UBE2E2: variants seen among roughly 807,000 people sequenced by gnomAD.
The protein encoded by UBE2E2 is ubiquitin conjugating enzyme E2 E2.
In UBE2E2, 6 loss-of-function variants were observed where a neutral mutation model predicts 24.7. The ratio of observed to expected loss-of-function variants is 0.24; its 90% CI spans 0.13 to 0.48. UBE2E2 has a LOEUF of 0.48. Among genes scored for constraint, UBE2E2 ranks in the 20% least tolerant of loss-of-function variants. The pLI, the probability that UBE2E2 is intolerant of heterozygous loss-of-function variation, is 0.99. For synonymous variants in UBE2E2, 104 were observed against 83.6 expected, an observed-to-expected ratio of 1.24 and a Z score of -1.33; for missense variants, 169 against 245.0, an observed-to-expected ratio of 0.69 and a Z score of 2.07.
At chr3:23,587,957 G>T (rs542579916) in intron 5 of UBE2E2, among the ~76,000 whole-genome samples, 11 of 152,206 alleles carry the variant, frequency 7.2e-5, no homozygotes, top group Non-Finnish European at 1.3e-4. Context: ...TAATTATTAC[G>T]AGATTTACAC....
At chr3:23,566,309 A>G (rs1301952251) in intron 5 of UBE2E2, among the ~76,000 whole-genome samples, 1 of 152,210 alleles carries the variant, frequency 6.6e-6, no homozygotes, top group African/African-American at 2.4e-5. Context: ...ATGCATAGCA[A>G]GCCTTGCCAG....
intron 3 of UBE2E2, among the ~76,000 whole-genome samples, chr3:23,348,666 G>C (rs1161481386): frequency 6.6e-6 from 1 of 152,144 alleles, no homozygotes; most frequent in Admixed American, 6.5e-5. Flanking sequence ...TTCAGAGTGG[G>C]TGAGGCTAGG....
At chr3:23,543,276 G>A (rs1022244709) in intron 5 of UBE2E2, among the ~76,000 whole-genome samples, 1 of 152,158 alleles carries the variant, frequency 6.6e-6, no homozygotes, top group African/African-American at 2.4e-5. Flanking sequence ...AATTATCTCT[G>A]TTTGCCAGTG....
At chr3:23,292,164 G>C (rs1338794139) in intron 3 of UBE2E2, among the ~76,000 whole-genome samples, 1 of 151,900 alleles carries the variant, frequency 6.6e-6, no homozygotes, top group Non-Finnish European at 1.5e-5. Flanking sequence ...TTTTTAGTAG[G>C]GATGGGGTTT....
intron 3 of UBE2E2, among the ~76,000 whole-genome samples, chr3:23,379,120 C>A (rs1374076072): frequency 2.0e-5 from 3 of 152,112 alleles, no homozygotes; most frequent in African/African-American, 4.8e-5. Context: ...GATTGAATGT[C>A]TGTGATCAAA....
chr3:23,341,675 T>C (rs1349450443), intron 3 of UBE2E2, among the ~76,000 whole-genome samples: 1 of 152,190 alleles, frequency 6.6e-6, no homozygotes, highest in Non-Finnish European at 1.5e-5. Flanking sequence ...AGCATAATCA[T>C]TTCCCCTCTT....
intron 3 of UBE2E2, among the ~76,000 whole-genome samples, chr3:23,444,045 A>G (rs1003621959): frequency 7.0e-6 from 1 of 141,898 alleles, no homozygotes; most frequent in African/African-American, 2.7e-5. Flanking sequence ...CACTCATTTT[A>G]GGTTTTCTTC....
chr3:23,562,019 G>A (rs1474132953), intron 5 of UBE2E2, among the ~76,000 whole-genome samples: 2 of 152,172 alleles, frequency 1.3e-5, no homozygotes, highest in African/African-American at 2.4e-5. Context: ...TGCAAACAGG[G>A]ACAATTTGAC....
chr3:23,382,178 ATTTT>A (rs10645761), intron 3 of UBE2E2, among the ~76,000 whole-genome samples: 1 of 110,842 alleles, frequency 9.0e-6, no homozygotes. Context: ...GAATACTTTA[ATTTT>A]TTTTTTTTTT....
intron 3 of UBE2E2, among the ~76,000 whole-genome samples, chr3:23,225,030 A>C (rs901723238): frequency 6.9e-6 from 1 of 145,798 alleles, no homozygotes; most frequent in African/African-American, 2.5e-5. Flanking sequence ...ATTGATTTGC[A>C]TTATTCTGAT....
chr3:23,263,458 AC>A (rs773539452), intron 3 of UBE2E2, among the ~76,000 whole-genome samples: 31 of 152,214 alleles, frequency 2.0e-4, no homozygotes, highest in Non-Finnish European at 4.0e-4. Context: ...ATTGATACTT[AC>A]CTATTCTGAC....
intron 3 of UBE2E2, among the ~76,000 whole-genome samples, chr3:23,367,395 C>A (rs904872463): frequency 1.3e-5 from 2 of 151,964 alleles, no homozygotes; most frequent in African/African-American, 4.8e-5. Flanking sequence ...GGCTGAAAGT[C>A]ACACCAACAT....
At chr3:23,218,303 C>A (rs1259650282) in intron 3 of UBE2E2, among the ~76,000 whole-genome samples, 1 of 152,032 alleles carries the variant, frequency 6.6e-6, no homozygotes, top group African/African-American at 2.4e-5. Flanking sequence ...TATAAACTTA[C>A]AGTAATAATA....
chr3:23,484,603 G>T (rs901647871), intron 3 of UBE2E2, among the ~76,000 whole-genome samples: 2 of 152,182 alleles, frequency 1.3e-5, no homozygotes, highest in African/African-American at 2.4e-5. Context: ...GAGCACTGAT[G>T]CAAGATGTGT....
At chr3:23,267,664 CAAT>C (rs907313852) in intron 3 of UBE2E2, among the ~76,000 whole-genome samples, 3 of 151,952 alleles carry the variant, frequency 2.0e-5, no homozygotes, top group Non-Finnish European at 4.4e-5. Context: ...GAAACTATTC[CAAT>C]CAATAGAAAA....
chr3:23,352,914 G>A (rs28805096), intron 3 of UBE2E2, among the ~76,000 whole-genome samples: 3 of 152,016 alleles, frequency 2.0e-5, no homozygotes, highest in Non-Finnish European at 2.9e-5. Flanking sequence ...TACCAAAGCC[G>A]GGCAGAGACA....
chr3:23,266,933 A>G (rs1481258060), intron 3 of UBE2E2, among the ~76,000 whole-genome samples: 1 of 152,222 alleles, frequency 6.6e-6, no homozygotes, highest in Non-Finnish European at 1.5e-5. Flanking sequence ...TGGAAACTGA[A>G]CAACCTGCTC....
intron 3 of UBE2E2, among the ~76,000 whole-genome samples, chr3:23,301,806 A>C (rs894333428): frequency 6.9e-6 from 1 of 144,858 alleles, no homozygotes. Flanking sequence ...ACTGTCTTCA[A>C]AGCTCAGTTG....
chr3:23,306,283 C>T (rs765156060), intron 3 of UBE2E2, among the ~76,000 whole-genome samples: 1 of 152,146 alleles, frequency 6.6e-6, no homozygotes. Flanking sequence ...GACTAGCTGA[C>T]ATTGCTGTAA....
Sources: allele counts gnomAD v4.1 joint callset (sites outside exome capture counted in the v4.1 genomes callset), GRCh38; gene constraint gnomAD v4.1.1; transcripts MANE v1.5; gene names NCBI Gene and HGNC (gene_info 2026-07-23, HGNC 2026-07-21).